SESN1: variants seen among roughly 807,000 people sequenced by gnomAD.
SESN1 encodes the protein sestrin 1.
Under a neutral mutation model 59.3 loss-of-function variants are expected in SESN1, and 30 were observed. That is an observed-to-expected ratio of 0.51 (90% CI 0.38 to 0.69). The LOEUF is 0.69. Among genes scored for constraint, SESN1 ranks in the 30% least tolerant of loss-of-function variants. SESN1 has a pLI of 0.00. For missense variants in SESN1, 566 were observed against 673.0 expected (o/e 0.84, Z 1.76); for synonymous variants, 197 against 219.9 (o/e 0.90, Z 0.92).
intron 1 of SESN1, among the ~76,000 whole-genome samples, chr6:109,038,230 C>T (rs567108634): frequency 3.9e-5 from 6 of 152,340 alleles, no homozygotes; most frequent in Admixed American, 2.6e-4. Flanking sequence ...CAGTGGCTCA[C>T]GCCTATAATC....
Position 109,001,469 on chromosome 6 carries a change from T to G in SESN1, c.365A>C (p.Glu122Ala). The change falls in exon 3 of 10, where the codon GAA (glutamate) becomes GCA (alanine). Residue 122 changes from glutamate (E) to alanine (A), a missense_variant. Coordinates refer to ENST00000436639, the MANE Select transcript of SESN1 (RefSeq NM_014454.3). The stretch of plus-strand genomic sequence containing the variant: ...AAATAAAGCATGCATCTGTGCGTCT[T>G]CACTCCCCACTTGGAGGATCTGTAT... ...PEKEILQVGSEDAQMHALFAD... is the reference protein window; with the variant it reads ...PEKEILQVGSADAQMHALFAD... 6.2e-7 allele frequency: 1 copy of G among 1,613,312 alleles called. No individual in the cohort carries two copies.
intron 1 of SESN1, among the ~76,000 whole-genome samples, chr6:109,037,940 A>G (rs1780273477): frequency 6.6e-6 from 1 of 152,220 alleles, no homozygotes; most frequent in African/African-American, 2.4e-5. Context: ...ATCTTTTGTT[A>G]AAATGCAAGT....
intron 1 of SESN1, among the ~76,000 whole-genome samples, chr6:109,050,941 T>C (rs1380664250): frequency 2.0e-5 from 3 of 152,182 alleles, no homozygotes; most frequent in Non-Finnish European, 2.9e-5. Flanking sequence ...GCCACCTCCA[T>C]AGAAATAATA....
At chr6:108,989,061 G>A (rs1248467054) in intron 8 of SESN1, among the ~76,000 whole-genome samples, 2 of 152,154 alleles carry the variant, frequency 1.3e-5, no homozygotes, top group East Asian at 1.9e-4. Flanking sequence ...GGAGTGCAGT[G>A]GTGCTATCTT....
chr6:109,060,232 C>T (rs1780710099), intron 1 of SESN1, among the ~76,000 whole-genome samples: 1 of 151,946 alleles, frequency 6.6e-6, no homozygotes, highest in South Asian at 2.1e-4. Flanking sequence ...AGTTTTTTTT[C>T]TAGAATAGAT....
chr6:109,054,209 AACTC>A (rs1178691598), intron 1 of SESN1, among the ~76,000 whole-genome samples: 12 of 152,152 alleles, frequency 7.9e-5, no homozygotes, highest in Non-Finnish European at 2.9e-5. Flanking sequence ...AACTAAGACT[AACTC>A]TGAAAGTTAT....
chr6:109,003,798 G>A (rs1485726032), intron 1 of SESN1, among the ~76,000 whole-genome samples: 1 of 152,144 alleles, frequency 6.6e-6, no homozygotes, highest in East Asian at 1.9e-4. Flanking sequence ...TATATACAAT[G>A]ATGACTCTTA....
At chr6:109,048,363 C>A (rs1780485808) in intron 1 of SESN1, among the ~76,000 whole-genome samples, 1 of 152,188 alleles carries the variant, frequency 6.6e-6, no homozygotes, top group South Asian at 2.1e-4. Context: ...TTGAGATCTG[C>A]ACCACAGTAT....
intron 8 of SESN1, among the ~76,000 whole-genome samples, chr6:108,989,433 C>A (rs1779299605): frequency 7.0e-6 from 1 of 143,368 alleles, no homozygotes; most frequent in African/African-American, 2.6e-5. Context: ...AGATATATAT[C>A]TAGATCTAGA....
At chr6:108,988,444 T>C (rs1779261799) in intron 9 of SESN1, 99 bp downstream of exon 9, 36 of 1,063,318 alleles carry the variant, frequency 3.4e-5, no homozygotes, top group African/African-American at 1.6e-5. Context: ...TTTGGGTTGG[T>C]AGGGGTGATG....
chr6:109,033,078 G>C (rs1257955356), intron 1 of SESN1, among the ~76,000 whole-genome samples: 1 of 152,028 alleles, frequency 6.6e-6, no homozygotes, highest in East Asian at 1.9e-4. Flanking sequence ...TCAGAGGAGG[G>C]GAAAAAGTCA....
chr6:109,048,465 T>C (rs1261459650), intron 1 of SESN1, among the ~76,000 whole-genome samples: 1 of 152,206 alleles, frequency 6.6e-6, no homozygotes, highest in Non-Finnish European at 1.5e-5. Context: ...ACCAAGGCTG[T>C]GCTCTGAAAA....
intron 1 of SESN1, among the ~76,000 whole-genome samples, chr6:109,034,587 G>T (rs1424479): frequency 0.1 from 15,213 of 152,196 alleles, 924 homozygotes; most frequent in Middle Eastern, 0.19. Flanking sequence ...TGGGCACATT[G>T]CCACTGAGAA....
chr6:109,093,063 A>G (rs1371758007), intron 1 of SESN1, among the ~76,000 whole-genome samples: 1 of 152,220 alleles, frequency 6.6e-6, no homozygotes, highest in East Asian at 1.9e-4. Context: ...CTTAAAAAAA[A>G]GTATTCTAAG....
At chr6:108,996,225 T>G (rs1190771584) in intron 5 of SESN1, among the ~76,000 whole-genome samples, 2 of 152,224 alleles carry the variant, frequency 1.3e-5, no homozygotes, top group African/African-American at 4.8e-5. Flanking sequence ...ACAATCTATA[T>G]CACTTGTGCT....
chr6:109,064,634 GGAGAGGAGAGGT>G, intron 1 of SESN1, among the ~76,000 whole-genome samples: 1 of 22,414 alleles, frequency 4.5e-5, no homozygotes. Context: ...GGAGGGGAGG[GGAGAGGAGAGGT>G]GGGGTGGGGG....
intron 1 of SESN1, among the ~76,000 whole-genome samples, chr6:109,020,965 T>A (rs1395890477): frequency 1.3e-5 from 2 of 152,208 alleles, no homozygotes; most frequent in African/African-American, 4.8e-5. Context: ...GTCATTATCA[T>A]TAATAATCTC....
intron 8 of SESN1, among the ~76,000 whole-genome samples, chr6:108,990,079 C>T (rs1290520147): frequency 6.6e-6 from 1 of 152,206 alleles, no homozygotes; most frequent in Non-Finnish European, 1.5e-5. Flanking sequence ...AAATAGTTAA[C>T]TAGTAAGCAC....
intron 1 of SESN1, chr6:109,009,654 T>TC (rs1317611540): frequency 1.4e-6 from 1 of 726,596 alleles, no homozygotes; most frequent in Admixed American, 5.7e-5. Flanking sequence ...CGGGCTCGCG[T>TC]CCCCGCAAAG....
Sources: allele counts gnomAD v4.1 joint callset (sites outside exome capture counted in the v4.1 genomes callset), GRCh38; gene constraint gnomAD v4.1.1; transcripts MANE v1.5; gene names NCBI Gene and HGNC (gene_info 2026-07-23, HGNC 2026-07-21).